The following IL17B variants were observed in gnomAD, a reference collection of about 807,000 sequenced individuals.
The protein encoded by IL17B is interleukin-17B.
IL17B carries 14 observed loss-of-function variants against 14.7 expected under a neutral mutation model. That is an observed-to-expected ratio of 0.95 (90% CI 0.63 to 1.49). The LOEUF is 1.49. Among genes scored for constraint, IL17B ranks in the 40% most tolerant of loss-of-function variants. IL17B has a pLI of 0.00. For missense variants in IL17B, 233 were observed against 252.8 expected (o/e 0.92, Z 0.53); for synonymous variants, 105 against 94.8 (o/e 1.11, Z -0.62).
intron 1 of IL17B, among the ~76,000 whole-genome samples, chr5:149,400,065 C>T (rs1399244024): frequency 6.6e-6 from 1 of 152,100 alleles, no homozygotes; most frequent in Non-Finnish European, 1.5e-5. Flanking sequence ...GAACTATGTC[C>T]CCCCTCCCCA....
chr5:149,385,630 C>T (rs960619083), intron 1 of IL17B, among the ~76,000 whole-genome samples: 5 of 152,236 alleles, frequency 3.3e-5, no homozygotes, highest in Non-Finnish European at 7.3e-5. Context: ...ACAGAGGCGC[C>T]AGGCCCCCTG....
chr5:149,404,152 T>A (rs950776730), exon 1 of IL17B: 3 of 152,192 alleles, frequency 2.0e-5, no homozygotes, highest in African/African-American at 7.2e-5. Flanking sequence ...ATGGAGGGAT[T>A]TCAAGGCTGC....
upstream of IL17B, among the ~76,000 whole-genome samples, chr5:149,382,032 G>A (rs868367458): frequency 2.0e-5 from 3 of 152,198 alleles, no homozygotes; most frequent in South Asian, 4.1e-4. Flanking sequence ...AGCAGGCCCC[G>A]CCAGGAGCAG....
chr5:149,396,840 A>G (rs1021968029), intron 1 of IL17B, among the ~76,000 whole-genome samples: 34 of 152,222 alleles, frequency 2.2e-4, no homozygotes, highest in African/African-American at 8.2e-4. Flanking sequence ...ACATCTCAAT[A>G]TCAGCAAGTG....
chr5:149,388,085 C>T (rs1430165437), intron 1 of IL17B, among the ~76,000 whole-genome samples: 1 of 152,162 alleles, frequency 6.6e-6, no homozygotes, highest in Admixed American at 6.5e-5. Context: ...GTTATTTCTG[C>T]CATGGTCAGC....
At chr5:149,380,410 G>A (rs1758663083), upstream of IL17B, among the ~76,000 whole-genome samples, 1 of 152,126 alleles carries the variant, frequency 6.6e-6, no homozygotes, top group East Asian at 1.9e-4. Context: ...ATTAGCATTA[G>A]AGGTAGCATG....
intron 1 of IL17B, among the ~76,000 whole-genome samples, chr5:149,397,847 T>C (rs78679747): frequency 0.014 from 2,136 of 152,282 alleles, 57 homozygotes; most frequent in African/African-American, 0.046. Flanking sequence ...CTGGCAAGCC[T>C]GGAGTTCTGA....
At chr5:149,394,251 A>G (rs1247769260) in intron 1 of IL17B, among the ~76,000 whole-genome samples, 1 of 152,214 alleles carries the variant, frequency 6.6e-6, no homozygotes, top group Non-Finnish European at 1.5e-5. Context: ...GCATATCGCT[A>G]TGGTTGTTAA....
chr5:149,376,648 G>C, intron 2 of IL17B, 88 bp downstream of exon 2: 1 of 1,498,866 alleles, frequency 6.7e-7, no homozygotes, highest in African/African-American at 1.4e-5. Flanking sequence ...CCAGACCTCT[G>C]AATCTGAGAT....
At chr5:149,377,876 G>A (rs2227450) in intron 1 of IL17B, among the ~76,000 whole-genome samples, 2,679 of 152,210 alleles carry the variant, frequency 0.018, 81 homozygotes, top group African/African-American at 0.058. Context: ...GGGCGTGGTG[G>A]CTCACACCTG....
intron 2 of IL17B, among the ~76,000 whole-genome samples, chr5:149,376,187 C>A (rs1249111554): frequency 6.6e-6 from 1 of 152,226 alleles, no homozygotes; most frequent in Non-Finnish European, 1.5e-5. Flanking sequence ...CCATCGTTAT[C>A]CAGGGCAATG....
intron 1 of IL17B, among the ~76,000 whole-genome samples, chr5:149,392,947 CGTGCGTGT>C (rs933471078): frequency 1.2e-4 from 18 of 149,328 alleles, no homozygotes; most frequent in African/African-American, 4.4e-4. Flanking sequence ...TGCGTGTGTG[CGTGCGTGT>C]GTGCGTGTGT....
chr5:149,384,408 T>C (rs1758777914), intron 1 of IL17B, among the ~76,000 whole-genome samples: 1 of 152,234 alleles, frequency 6.6e-6, no homozygotes, highest in Non-Finnish European at 1.5e-5. Flanking sequence ...TTTTGTAATT[T>C]GGTTTGGTTT....
intron 2 of IL17B, 107 bp downstream of exon 2, chr5:149,376,629 C>T: frequency 6.9e-7 from 1 of 1,442,736 alleles, no homozygotes; most frequent in Non-Finnish European, 9.3e-7. Flanking sequence ...AGGGTTCGAA[C>T]CCAAGCACCC....
intron 1 of IL17B, among the ~76,000 whole-genome samples, 185 bp from the exon 2 acceptor site, chr5:149,377,210 C>T (rs1031814254): frequency 1.4e-4 from 22 of 152,314 alleles, no homozygotes; most frequent in Non-Finnish European, 2.5e-4. Context: ...TGTGTTCCAG[C>T]CTCTGGTCTT....
upstream of IL17B, among the ~76,000 whole-genome samples, chr5:149,380,004 A>G (rs1005208220): frequency 9.9e-5 from 15 of 152,204 alleles, no homozygotes; most frequent in Non-Finnish European, 2.1e-4. Flanking sequence ...GCCAAGTTTC[A>G]GATCCATGAG....
chr5:149,376,656 G>C, intron 2 of IL17B, 80 bp downstream of exon 2: 2 of 1,508,382 alleles, frequency 1.3e-6, no homozygotes, highest in Non-Finnish European at 1.8e-6. Flanking sequence ...CTGAATCTGA[G>C]ATCTTAACCA....
intron 1 of IL17B, among the ~76,000 whole-genome samples, chr5:149,395,697 G>A (rs1333785296): frequency 6.6e-6 from 1 of 152,160 alleles, no homozygotes; most frequent in South Asian, 2.1e-4. Context: ...TTTTGAGGAG[G>A]AGTCTCGCTC....
intron 1 of IL17B, among the ~76,000 whole-genome samples, chr5:149,388,433 C>T (rs879765290): frequency 2.6e-5 from 4 of 152,212 alleles, no homozygotes; most frequent in African/African-American, 7.2e-5. Context: ...GACTCAAGCT[C>T]AACAGGATCA....
Sources: allele counts gnomAD v4.1 joint callset (sites outside exome capture counted in the v4.1 genomes callset), GRCh38; gene constraint gnomAD v4.1.1; transcripts MANE v1.5; gene names NCBI Gene and HGNC (gene_info 2026-07-23, HGNC 2026-07-21).